Variants in JMJD1C observed in about 807,000 individuals in gnomAD.
The protein encoded by JMJD1C is jumonji domain-containing protein 1C.
JMJD1C carries 31 observed loss-of-function variants against 245.3 expected under a neutral mutation model. The ratio of observed to expected loss-of-function variants is 0.13; its 90% CI spans 0.09 to 0.17. JMJD1C has a LOEUF of 0.17. JMJD1C is among the 10% of genes least tolerant of loss of function. The pLI, the probability that JMJD1C is intolerant of heterozygous loss-of-function variation, is 1.00. For synonymous variants in JMJD1C, 1,057 were observed against 1,017.4 expected (o/e 1.04, Z -0.74); for missense variants, 2,691 against 3,000.2 (o/e 0.90, Z 2.41).
intron 18 of JMJD1C, among the ~76,000 whole-genome samples, chr10:63,188,729 A>G (rs1844424431): frequency 6.6e-6 from 1 of 152,224 alleles, no homozygotes; most frequent in Non-Finnish European, 1.5e-5. Flanking sequence ...GATTTGATGA[A>G]CTAATTTGTA....
chr10:63,229,285 TC>T (rs1166847435), intron 3 of JMJD1C, among the ~76,000 whole-genome samples: 3 of 152,168 alleles, frequency 2.0e-5, no homozygotes, highest in Non-Finnish European at 2.9e-5. Flanking sequence ...ACGTCTAGAA[TC>T]CAGACTATCA....
intron 1 of JMJD1C, chr10:63,427,717 A>G: frequency 7.5e-7 from 1 of 1,339,960 alleles, no homozygotes. Context: ...TGGTGTCTCC[A>G]GAAGTGTCCA....
intron 1 of JMJD1C, among the ~76,000 whole-genome samples, chr10:63,485,935 A>G (rs1392295892): frequency 6.6e-6 from 1 of 152,062 alleles, no homozygotes; most frequent in Non-Finnish European, 1.5e-5. Flanking sequence ...AAAACGGCCT[A>G]TATAATTTAG....
At chr10:63,450,317 T>C (rs968584503) in intron 1 of JMJD1C, among the ~76,000 whole-genome samples, 1 of 151,366 alleles carries the variant, frequency 6.6e-6, no homozygotes, top group Non-Finnish European at 1.5e-5. Flanking sequence ...AGGCCAGGGG[T>C]GTAAAAAAGG....
At chr10:63,182,777 T>C (rs933172694) in intron 22 of JMJD1C, among the ~76,000 whole-genome samples, 6 of 152,246 alleles carry the variant, frequency 3.9e-5, no homozygotes, top group African/African-American at 1.4e-4. Flanking sequence ...GAAAAAAGAA[T>C]GTTTGAGTCA....
chr10:63,398,586 G>T (rs1948652812), intron 1 of JMJD1C, among the ~76,000 whole-genome samples: 1 of 151,580 alleles, frequency 6.6e-6, no homozygotes, highest in East Asian at 1.9e-4. Context: ...AATTCACTGA[G>T]ATTTGCAAAT....
At position 63,363,853 on chromosome 10, in the gene JMJD1C, AT is replaced by A. The variant is rs759663605; in HGVS notation, c.333+16464del. 9.1e-3 allele frequency among the ~76,000 whole-genome samples: 1,151 copies of A among 126,428 alleles called. 6 individuals are homozygous for A. Among genetic ancestry groups the A allele is most frequent in the African/African-American group, 0.026 (882 of 33,568 alleles). The allele number at this position is 126,428 out of a possible 152,430, so 82.9% of individuals were successfully genotyped here. On this transcript the variant is annotated intron_variant, in intron 2 of 25. Coordinates refer to ENST00000399262, the MANE Select transcript of JMJD1C (RefSeq NM_032776.3). ...AGGTACACGCCACCATGCCTGGCTA[AT>A]TTTTTTTTTTTTTTTTTTTGAGACA...
At chr10:63,277,831 G>C (rs1452787455) in intron 2 of JMJD1C, among the ~76,000 whole-genome samples, 2 of 133,666 alleles carry the variant, frequency 1.5e-5, no homozygotes, top group Non-Finnish European at 3.1e-5. Context: ...TCTGCCTCTT[G>C]GTTCAAAAGA....
chr10:63,253,694 T>A (rs539361599), intron 3 of JMJD1C, among the ~76,000 whole-genome samples: 2 of 152,198 alleles, frequency 1.3e-5, no homozygotes, highest in South Asian at 2.1e-4. Flanking sequence ...CCTCATTTTT[T>A]AAAAATATGG....
intron 1 of JMJD1C, among the ~76,000 whole-genome samples, chr10:63,408,296 G>A (rs977497398): frequency 6.6e-6 from 1 of 152,064 alleles, no homozygotes; most frequent in East Asian, 1.9e-4. Flanking sequence ...CCAGTTATTC[G>A]GAAGGCTGAG....
chr10:63,380,578 C>T lies in JMJD1C; in HGVS notation c.169-96G>A. 8 of 900,528 alleles carry T rather than the reference C, an allele frequency of 8.9e-6. No homozygotes were observed. In the East Asian group the frequency reaches 1.3e-4, roughly 15 times the overall value. 55.8% of individuals were successfully genotyped at this position (900,528 alleles called of 1,614,324 possible). A position where few individuals can be genotyped will look rare whatever the true frequency, so the allele number is the denominator to read the frequency against. On this transcript the variant is annotated intron_variant, in intron 1 of 25. Coordinates refer to ENST00000399262, the MANE Select transcript of JMJD1C (RefSeq NM_032776.3). ...AATAATTGTACATATTTATGGGGTA[C>T]ATATGATATCGTGATACATGCACAC...
chr10:63,348,205 CAAAAAAA>C (rs35674300), intron 2 of JMJD1C, among the ~76,000 whole-genome samples: 1 of 129,940 alleles, frequency 7.7e-6, no homozygotes, highest in Non-Finnish European at 1.6e-5. Flanking sequence ...GACTTCATCT[CAAAAAAA>C]AAAAAAAAAA....
chr10:63,192,004 A>AC (rs1844882359), intron 16 of JMJD1C, among the ~76,000 whole-genome samples: 1 of 143,670 alleles, frequency 7.0e-6, no homozygotes, highest in African/African-American at 2.5e-5. Flanking sequence ...AAAAAAAAAA[A>AC]AAAAACACAA....
chr10:63,461,882 A>C (rs1209448032), intron 1 of JMJD1C, among the ~76,000 whole-genome samples: 1 of 152,182 alleles, frequency 6.6e-6, no homozygotes. Flanking sequence ...AAGCGAAGTT[A>C]AACAAGAGGA....
chr10:63,433,902 CAA>C (rs34824418), intron 1 of JMJD1C, among the ~76,000 whole-genome samples: 9 of 127,490 alleles, frequency 7.1e-5, no homozygotes, highest in Non-Finnish European at 8.3e-5. Context: ...AATTGAGTTC[CAA>C]AAAAAAAAAA....
chr10:63,363,853 A>G (rs894198780), intron 2 of JMJD1C, among the ~76,000 whole-genome samples: 5 of 126,470 alleles, frequency 4.0e-5, no homozygotes, highest in African/African-American at 1.2e-4. Context: ...TGCCTGGCTA[A>G]TTTTTTTTTT....
chr10:63,385,254 A>G (rs902864944), intron 1 of JMJD1C, among the ~76,000 whole-genome samples: 9 of 152,048 alleles, frequency 5.9e-5, no homozygotes, highest in African/African-American at 1.9e-4. Flanking sequence ...ACACATCACC[A>G]TAAGAGATGT....
intron 1 of JMJD1C, among the ~76,000 whole-genome samples, chr10:63,428,658 A>G (rs1055457977): frequency 1.3e-5 from 2 of 152,208 alleles, no homozygotes; most frequent in African/African-American, 4.8e-5. Context: ...CAGTTAGACT[A>G]TGGAAACAAA....
chr10:63,314,463 G>A (rs1426692588), intron 2 of JMJD1C, among the ~76,000 whole-genome samples: 1 of 152,190 alleles, frequency 6.6e-6, no homozygotes, highest in Admixed American at 6.5e-5. Context: ...GGGAGACTGA[G>A]GTGGGAGAAT....
Sources: allele counts gnomAD v4.1 joint callset (sites outside exome capture counted in the v4.1 genomes callset), GRCh38; gene constraint gnomAD v4.1.1; transcripts MANE v1.5; gene names NCBI Gene and HGNC (gene_info 2026-07-23, HGNC 2026-07-21).